RNF17: variants seen among roughly 807,000 people sequenced by gnomAD.
The protein encoded by RNF17 is spermatogenesis associated 23.
RNF17 carries 31 observed loss-of-function variants against 200.5 expected under a neutral mutation model. That is an observed-to-expected ratio of 0.15 (90% confidence interval 0.12 to 0.21). RNF17 has a LOEUF of 0.21. RNF17 is among the 10% of genes least tolerant of loss of function. RNF17 has a pLI of 1.00. For synonymous variants in RNF17, 606 were observed against 637.8 expected (o/e 0.95, Z 0.75); for missense variants, 1,628 against 1,905.1 (o/e 0.85, Z 2.71).
Position 24,767,325 on chromosome 13 carries a change from A to C in RNF17, c.184A>C (p.Met62Leu). The stretch of plus-strand genomic sequence containing the variant: ...TGCTTTTTGTGAACTATGCTTGTTA[A>C]TGACTGAAGAATGCACCACAATTAT... Reference protein sequence around the residue: ...GHAFCELCLLMTEECTTIICP... With the variant: ...GHAFCELCLLLTEECTTIICP... Residue 62 changes from methionine (M) to leucine (L), a missense_variant, in exon 2 of 36, where the codon ATG becomes CTG. Around this residue, in one of 5 missense-constraint regions of RNF17, gnomAD observed 502 missense variants for 501.7 expected, o/e 1.00. Coordinates refer to ENST00000255324, the MANE Select transcript of RNF17 (RefSeq NM_031277.3). The C allele has an allele frequency of 6.2e-7, 1 of 1,612,888 alleles. No homozygotes were observed. The highest frequency in any genetic ancestry group is 1.1e-5 in the South Asian group (1 of 91,038).
At chr13:24,818,777 G>A (rs1296056041) in intron 15 of RNF17, among the ~76,000 whole-genome samples, 1 of 151,870 alleles carries the variant, frequency 6.6e-6, no homozygotes, top group African/African-American at 2.4e-5. Flanking sequence ...ATAGCATAAG[G>A]TATAAAGTGT....
chr13:24,868,287 G>T (rs1275193773), intron 30 of RNF17, among the ~76,000 whole-genome samples: 2 of 150,270 alleles, frequency 1.3e-5, no homozygotes, highest in African/African-American at 2.4e-5. Flanking sequence ...CGGCTAAAAC[G>T]GTGAAACCCC....
intron 25 of RNF17, among the ~76,000 whole-genome samples, chr13:24,856,078 A>G (rs1892451498): frequency 6.6e-6 from 1 of 152,070 alleles, no homozygotes; most frequent in African/African-American, 2.4e-5. Context: ...GAAGGTCTTA[A>G]TGTAATTTTA....
intron 28 of RNF17, among the ~76,000 whole-genome samples, chr13:24,864,327 G>A (rs1317217530): frequency 6.6e-6 from 1 of 152,154 alleles, no homozygotes; most frequent in Non-Finnish European, 1.5e-5. Flanking sequence ...AAAACAGTGA[G>A]GAGCAGTGAG....
chr13:24,804,491 A>G, intron 15 of RNF17, 62 bp downstream of exon 15: 1 of 1,277,704 alleles, frequency 7.8e-7, no homozygotes, highest in Admixed American at 2.4e-5. Context: ...GACATGTATA[A>G]CAAGAATGAG....
At chr13:24,797,887 C>T (rs57343817) in intron 11 of RNF17, among the ~76,000 whole-genome samples, 16,018 of 152,020 alleles carry the variant, frequency 0.11, 1,069 homozygotes, top group Admixed American at 0.14. Flanking sequence ...TCATAAAATT[C>T]ATAAAGTATT....
chr13:24,762,369 T>TTA (rs1347667958), upstream of RNF17, among the ~76,000 whole-genome samples: 2 of 113,898 alleles, frequency 1.8e-5, no homozygotes, highest in Non-Finnish European at 3.4e-5. Context: ...ACTCCATTTC[T>TTA]AAAAAAAAAA....
chr13:24,795,950 G>A (rs1397494205), intron 10 of RNF17, among the ~76,000 whole-genome samples, 187 bp from the exon 11 acceptor site: 1 of 152,190 alleles, frequency 6.6e-6, no homozygotes, highest in Admixed American at 6.5e-5. Flanking sequence ...AGAATTCATT[G>A]TTGAAAGTGA....
intron 1 of RNF17, 141 bp downstream of exon 1, chr13:24,764,474 A>G: frequency 1.6e-6 from 2 of 1,239,098 alleles, no homozygotes; most frequent in South Asian, 1.9e-5. Flanking sequence ...GCCTCCCGCG[A>G]GCTGCACCCG....
Position 24,859,174 on chromosome 13 carries a change from A to G in RNF17, c.3774+10A>G, listed in dbSNP as rs1424346311. The stretch of plus-strand genomic sequence containing the variant: ...AGGTGGCGCTGTCAGAGTGAGTCTG[A>G]TATTCTTTTGTGACAATTCTAAAGC... On this transcript the variant is annotated intron_variant, in intron 26 of 35. Transcript: ENST00000255324. The G allele has an allele frequency of 5.8e-6, 9 of 1,563,380 alleles. No homozygotes were observed. The highest frequency in any genetic ancestry group is 3.6e-5 in the South Asian group (3 of 82,936).
intron 6 of RNF17, among the ~76,000 whole-genome samples, chr13:24,783,620 G>T (rs1481796096): frequency 1.3e-5 from 2 of 151,878 alleles, no homozygotes; most frequent in African/African-American, 2.4e-5. Context: ...TCTTTCTTTT[G>T]ATGCTATTGT....
At chr13:24,866,477 T>C (rs1409602908) in intron 30 of RNF17, among the ~76,000 whole-genome samples, 2 of 152,232 alleles carry the variant, frequency 1.3e-5, no homozygotes, top group Non-Finnish European at 2.9e-5. Context: ...CAGCCACTTC[T>C]GTCCCTATGG....
At chr13:24,858,805 C>G (rs1463173595) in intron 25 of RNF17, among the ~76,000 whole-genome samples, 196 bp from the exon 26 acceptor site, 1 of 151,848 alleles carries the variant, frequency 6.6e-6, no homozygotes, top group East Asian at 1.9e-4. Flanking sequence ...GATGTTTGTA[C>G]TCTCAAAATA....
chr13:24,758,038 C>A, the RNF17 span, among the ~76,000 whole-genome samples: 1 of 152,200 alleles, frequency 6.6e-6, no homozygotes, highest in South Asian at 2.1e-4. Flanking sequence ...GACACGCCAG[C>A]TTCCCCTCAC....
chr13:24,764,478 G>A, intron 1 of RNF17, 145 bp downstream of exon 1: 4 of 1,200,198 alleles, frequency 3.3e-6, no homozygotes, highest in South Asian at 3.9e-5. Context: ...CCCGCGAGCT[G>A]CACCCGACCT....
intron 15 of RNF17, among the ~76,000 whole-genome samples, chr13:24,820,596 C>T (rs1384830952): frequency 4.6e-5 from 7 of 150,986 alleles, no homozygotes; most frequent in African/African-American, 9.8e-5. Context: ...CCACCACGCC[C>T]GGCTAATTTT....
At chr13:24,758,121 A>T in the RNF17 span, among the ~76,000 whole-genome samples, 1 of 152,190 alleles carries the variant, frequency 6.6e-6, no homozygotes, top group Non-Finnish European at 1.5e-5. Flanking sequence ...AGCCTGCAGA[A>T]CCATGAGCCA....
intron 7 of RNF17, 150 bp from the exon 8 acceptor site, chr13:24,789,198 T>C: frequency 1.8e-6 from 1 of 553,712 alleles, no homozygotes; most frequent in Non-Finnish European, 3.3e-6. Flanking sequence ...TCATAAACAC[T>C]TATTTGTATC....
intron 22 of RNF17, among the ~76,000 whole-genome samples, chr13:24,849,482 C>T: frequency 6.6e-6 from 1 of 152,142 alleles, no homozygotes; most frequent in Non-Finnish European, 1.5e-5. Flanking sequence ...TCATCAGCTA[C>T]ATTAGTGTAT....
Sources: gnomAD v4.1 joint callset for allele counts (sites outside exome capture counted in the v4.1 genomes callset) on GRCh38, gnomAD v4.1.1 for gene constraint, gnomAD v4.1.1 regional missense constraint, MANE v1.5 for transcripts, NCBI Gene and HGNC (gene_info 2026-07-23, HGNC 2026-07-21) for gene names.